The following ALG6 variants were observed in gnomAD, a reference collection of about 807,000 sequenced individuals.
ALG6 encodes ALG6 alpha-1,3-glucosyltransferase, also known as dolichyl pyrophosphate Man9GlcNAc2 alpha-1,3-glucosyltransferase.
Under a neutral mutation model 66.6 loss-of-function variants are expected in ALG6, and 46 were observed. That is an observed-to-expected ratio of 0.69 (90% CI 0.55 to 0.88). ALG6 has a LOEUF of 0.88. Ranked by LOEUF, ALG6 falls within the 40% of genes least tolerant of loss-of-function variation. The pLI is 0.00. For missense variants in ALG6, 505 were observed against 586.8 expected, an observed-to-expected ratio of 0.86 and a Z score of 1.44; for synonymous variants, 185 against 203.7, an observed-to-expected ratio of 0.91 and a Z score of 0.78.
intron 10 of ALG6, 68 bp downstream of exon 10, chr1:63,414,214 C>A (rs748982975): frequency 6.5e-5 from 75 of 1,151,602 alleles, no homozygotes; most frequent in Non-Finnish European, 9.4e-5. Context: ...GGTATTATTT[C>A]ATTTATTTGG....
At chr1:63,395,017 C>T (rs1648777829) in intron 2 of ALG6, among the ~76,000 whole-genome samples, 1 of 151,998 alleles carries the variant, frequency 6.6e-6, no homozygotes, top group Non-Finnish European at 1.5e-5. Context: ...AGGCACGCAC[C>T]ACCATGCCCG....
intron 1 of ALG6, among the ~76,000 whole-genome samples, chr1:63,369,366 C>A (rs187797111): frequency 1.3e-5 from 2 of 152,146 alleles, no homozygotes; most frequent in Admixed American, 6.5e-5. Context: ...CAGTGGCTCA[C>A]GCCTGTAATC....
At chr1:63,405,819 A>G (rs1316027617) in intron 5 of ALG6, among the ~76,000 whole-genome samples, 1 of 151,920 alleles carries the variant, frequency 6.6e-6, no homozygotes, top group Admixed American at 6.6e-5. Context: ...AAAATTATGA[A>G]TTGCTTTTCT....
intron 9 of ALG6, 153 bp downstream of exon 9, chr1:63,412,214 G>A (rs1243706054): frequency 7.9e-7 from 1 of 1,267,868 alleles, no homozygotes; most frequent in East Asian, 2.4e-5. Flanking sequence ...TAATTGATTG[G>A]TTGAGACAGG....
chr1:63,377,812 C>T (rs1278364754), intron 2 of ALG6, among the ~76,000 whole-genome samples: 3 of 152,204 alleles, frequency 2.0e-5, no homozygotes, highest in Admixed American at 2.0e-4. Context: ...TAGTTCATTG[C>T]AGCCTTGACT....
intron 12 of ALG6, 88 bp from the exon 13 acceptor site, chr1:63,428,645 G>T: frequency 9.7e-7 from 1 of 1,028,812 alleles, no homozygotes; most frequent in South Asian, 1.5e-5. Context: ...CTGAAAATCA[G>T]ACAGATAAAA....
At chr1:63,401,459 A>G (rs1339707546) in intron 3 of ALG6, among the ~76,000 whole-genome samples, 1 of 152,060 alleles carries the variant, frequency 6.6e-6, no homozygotes, top group Non-Finnish European at 1.5e-5. Context: ...TGAGGTCAGG[A>G]GTTCAAGACC....
chr1:63,437,025 A>G lies in ALG6; in HGVS notation c.*5A>G, dbSNP rs1557600030. ...AATCAGAAGAAAATCAGCTAGCTGT[A>G]TTCCTAAACAAATTGTTTCCTAAAC... is the stretch of plus-strand genomic sequence containing the variant. On this transcript the variant is annotated 3_prime_UTR_variant, in exon 15 of 15. Transcript: ENST00000263440. 1.2e-6 allele frequency: 2 copies of G among 1,610,542 alleles called. No individual in the cohort carries two copies. Among genetic ancestry groups the G allele is most frequent in the Non-Finnish European group, 1.7e-6 (2 of 1,177,766 alleles).
intron 2 of ALG6, among the ~76,000 whole-genome samples, chr1:63,376,339 C>G (rs114237241): frequency 6.6e-6 from 1 of 152,084 alleles, no homozygotes; most frequent in African/African-American, 2.4e-5. Flanking sequence ...TTATACAGTT[C>G]GTTGTTGACT....
intron 2 of ALG6, among the ~76,000 whole-genome samples, chr1:63,378,436 GTGATTTC>G (rs1190503285): frequency 6.6e-6 from 1 of 152,098 alleles, no homozygotes; most frequent in Non-Finnish European, 1.5e-5. Context: ...AGGATTTTCT[GTGATTTC>G]TGTCTCTAAG....
At chr1:63,391,948 C>T (rs1198407152) in intron 2 of ALG6, among the ~76,000 whole-genome samples, 2 of 152,054 alleles carry the variant, frequency 1.3e-5, no homozygotes, top group Admixed American at 6.6e-5. Context: ...TATACTTGAT[C>T]CAAAGTGTTA....
chr1:63,435,794 A>G (rs1261375413), intron 14 of ALG6, among the ~76,000 whole-genome samples: 2 of 152,202 alleles, frequency 1.3e-5, no homozygotes, highest in African/African-American at 4.8e-5. Context: ...CAAATGCCCA[A>G]TAGCCACATG....
chr1:63,405,438 G>A lies in ALG6; in HGVS notation c.347-879G>A, dbSNP rs550586896. Among the ~76,000 whole-genome samples, 9 of 152,130 alleles carry A rather than the reference G, an allele frequency of 5.9e-5. No individual in the cohort carries two copies. In the South Asian group the frequency reaches 1.7e-3, roughly 28 times the overall value. ...AGTCATTACAGATTATGTTTTCTAG[G>A]GTTACAGAGAACAAGTCTGATCCCT... is the stretch of plus-strand genomic sequence containing the variant. On this transcript the variant is annotated intron_variant, in intron 5 of 14. Transcript: ENST00000263440.
rs1644577483 is a variant in ALG6, at chr1:63,422,099, AT to A, written c.1058+2660del. Among the ~76,000 whole-genome samples the A allele has an allele frequency of 6.0e-5, 6 of 100,232 alleles. No individual in the cohort carries two copies. In the South Asian group the frequency reaches 1.7e-3, roughly 28 times the overall value. The allele number at this position is 100,232 out of a possible 152,430, so 65.8% of individuals were successfully genotyped here. On this transcript the variant is annotated intron_variant, in intron 12 of 14. Transcript: ENST00000263440. ...TCTATATAAATAAATATATAAATAT[AT>A]AAATATAAATATATATAAATATATA...
chr1:63,391,910 C>A (rs910318776), intron 2 of ALG6, among the ~76,000 whole-genome samples: 4 of 151,980 alleles, frequency 2.6e-5, no homozygotes, highest in Non-Finnish European at 4.4e-5. Context: ...GATTGTTTAC[C>A]GTTTCTTGTA....
chr1:63,436,676 A>G, intron 14 of ALG6, 147 bp from the exon 15 acceptor site: 1 of 752,212 alleles, frequency 1.3e-6, no homozygotes, highest in East Asian at 2.7e-5. Context: ...TGATTCTAAT[A>G]GGAAGTCAAA....
At chr1:63,422,842 C>G (rs1644595127) in intron 12 of ALG6, among the ~76,000 whole-genome samples, 1 of 151,914 alleles carries the variant, frequency 6.6e-6, no homozygotes, top group Non-Finnish European at 1.5e-5. Context: ...GTAATCCCAG[C>G]TACTCGGGAG....
chr1:63,370,209 A>AT (rs532599224), intron 1 of ALG6, among the ~76,000 whole-genome samples: 359 of 151,808 alleles, frequency 2.4e-3, no homozygotes, highest in Admixed American at 3.5e-3. Context: ...CTGCTTTTGT[A>AT]TTTTTTTCTC....
chr1:63,404,402 T>G, intron 4 of ALG6, 51 bp from the exon 5 acceptor site: 1 of 1,388,400 alleles, frequency 7.2e-7, no homozygotes, highest in Non-Finnish European at 1.0e-6. Context: ...ATATCTTTAT[T>G]GCTAAAAGGG....
Sources: gnomAD v4.1 joint callset for allele counts (sites outside exome capture counted in the v4.1 genomes callset) on GRCh38, gnomAD v4.1.1 for gene constraint, MANE v1.5 for transcripts, NCBI Gene and HGNC (gene_info 2026-07-23, HGNC 2026-07-21) for gene names.